ETV3: variants seen among roughly 807,000 people sequenced by gnomAD.
ETV3 encodes ETS translocation variant 3.
A neutral mutation model predicts 33.0 loss-of-function variants in ETV3; 8 were observed. The ratio of observed to expected loss-of-function variants is 0.24; its 90% CI spans 0.14 to 0.44. The LOEUF (loss-of-function observed/expected upper bound fraction) is 0.44, where lower values mean the gene tolerates loss of function less well. Among genes scored for constraint, ETV3 ranks in the 20% least tolerant of loss-of-function variants. The pLI is 1.00. For synonymous variants in ETV3, 222 were observed against 238.9 expected, an observed-to-expected ratio of 0.93 and a Z score of 0.65; for missense variants, 473 against 652.3, an observed-to-expected ratio of 0.73 and a Z score of 2.99.
chr1:157,131,554 A>G (rs993724656), intron 4 of ETV3, among the ~76,000 whole-genome samples: 3 of 152,214 alleles, frequency 2.0e-5, no homozygotes, highest in Non-Finnish European at 4.4e-5. Flanking sequence ...GGAATGTATG[A>G]TCTATTAAAT....
Position 157,125,117 on chromosome 1 carries a change from G to A in ETV3, c.1263C>T (p.Thr421=). 1.3e-6 allele frequency: 2 copies of A among 1,547,390 alleles called. No homozygotes were observed. The highest frequency in any genetic ancestry group is 2.4e-5 in the South Asian group (2 of 83,384). ...PSRTIEEEKG[T]IFARPAAPPI... ...GTGGTGCAGCAGGACGGGCAAAGAT[G>A]GTGCCTTTTTCCTCTTCAATGGTCC... The change falls in exon 5 of 5, where the codon ACC becomes ACT. Residue 421 remains threonine, a synonymous_variant. Transcript: ENST00000368192. This position sits in a 1 kb window ranked among gnomAD's most constrained non-coding sequence, Gnocchi z 4.0.
Position 157,124,758 on chromosome 1 carries a change from T to TTCCC in ETV3, c.*82_*83insGGGA. 5.8e-6 allele frequency: 1 copy of TTCCC among 172,458 alleles called. No individual in the cohort carries two copies. The highest frequency in any genetic ancestry group is 4.2e-5 in the South Asian group (1 of 23,582). 10.7% of individuals were successfully genotyped at this position (172,458 alleles called of 1,614,324 possible). ...GAATGATCAAACCAGTTTAACTCCC[T>TTCCC]CCCCCCCACCCTGAAATCTTGCTAC... On this transcript the variant is annotated 3_prime_UTR_variant, in exon 5 of 5. Coordinates refer to ENST00000368192, the MANE Select transcript of ETV3 (RefSeq NM_001145312.3).
rs1674796532 is a variant in ETV3, at chr1:157,125,091, G to C, written c.1289C>G (p.Pro430Arg). The C allele has an allele frequency of 6.5e-7, 1 of 1,545,820 alleles. No individual in the cohort carries two copies. Among genetic ancestry groups the C allele is most frequent in the Non-Finnish European group, 8.7e-7 (1 of 1,143,764 alleles). Residue 430 changes from proline to arginine, a missense_variant, in exon 5 of 5, where the codon CCC (proline) becomes CGC (arginine). Transcript: ENST00000368192. This position sits in a 1 kb window ranked among gnomAD's most constrained non-coding sequence, Gnocchi z 4.0. ...GCTAATGGGCACAGAGGGCCAGATG[G>C]GTGGTGCAGCAGGACGGGCAAAGAT... ...GTIFARPAAP[P>R]IWPSVPISTP... is the part of the protein sequence containing the mutation.
rs74116989 is a variant in ETV3, at chr1:157,135,168, G to A, written c.284+303C>T. 4.6e-5 allele frequency: 22 copies of A among 480,104 alleles called. No individual in the cohort carries two copies. In the Admixed American group the frequency reaches 8.0e-4, roughly 17 times the overall value. 29.7% of individuals were successfully genotyped at this position (480,104 alleles called of 1,614,324 possible). On this transcript the variant is annotated intron_variant, in intron 3 of 4. Transcript: ENST00000368192. The stretch of plus-strand genomic sequence containing the variant: ...TAAACTAATCCTTTGGATTATAAAT[G>A]AACTCCAATCCATGTTTCACCATAT...
rs1674760709 is a variant in ETV3 at position 157,123,851 on chromosome 1, G to A, written c.*990C>T. 1 of 148,184 alleles carries A rather than the reference G, an allele frequency of 6.7e-6. No homozygotes were observed. Among genetic ancestry groups the A allele is most frequent in the African/African-American group, 2.4e-5 (1 of 40,844 alleles). The allele number at this position is 148,184 out of a possible 1,614,324, so 9.2% of individuals were successfully genotyped here. On this transcript the variant is annotated 3_prime_UTR_variant, in exon 5 of 5. Coordinates refer to ENST00000368192, the MANE Select transcript of ETV3 (RefSeq NM_001145312.3). ...AGAAAATAAGAGAACCAGACATAAT[G>A]GAAAGACCTCTTCAATAATGTTGTC...
At chr1:157,134,698 G>A (rs1403412274) in intron 3 of ETV3, among the ~76,000 whole-genome samples, 1 of 152,238 alleles carries the variant, frequency 6.6e-6, no homozygotes, top group African/African-American at 2.4e-5. Flanking sequence ...ATGGTGGCAG[G>A]TCAAACAATG....
intron 3 of ETV3, 62 bp from the exon 4 acceptor site, chr1:157,134,289 A>G: frequency 1.3e-6 from 2 of 1,563,230 alleles, no homozygotes; most frequent in Non-Finnish European, 1.7e-6. Flanking sequence ...CAATACACTT[A>G]GGTAGCCACT....
At chr1:157,137,938 A>T (rs1571704900) in intron 1 of ETV3, among the ~76,000 whole-genome samples, 1 of 152,062 alleles carries the variant, frequency 6.6e-6, no homozygotes, top group African/African-American at 2.4e-5. Context: ...AAACCACAGG[A>T]CCCCTGCCCT....
intron 4 of ETV3, among the ~76,000 whole-genome samples, chr1:157,127,175 T>A (rs1358621452): frequency 6.6e-6 from 1 of 152,238 alleles, no homozygotes; most frequent in Admixed American, 6.5e-5. Flanking sequence ...GGAAATGACA[T>A]GCATGGAAAG....
chr1:157,134,221 A>G lies in ETV3; in HGVS notation c.291T>C (p.Tyr97=), dbSNP rs932304528. The part of the protein sequence containing the change: ...YDKLSRALRY[Y]YNKRILHKTK... ...TTTTATGAAGGATCCTCTTGTTGTA[A>G]TAGTATCTGTAAAAACAGGAATACA... The change falls in exon 4 of 5, where the codon TAT becomes TAC. Residue 97 remains tyrosine, a synonymous_variant. Transcript: ENST00000368192. 33 of 1,612,074 alleles carry G rather than the reference A, an allele frequency of 2.0e-5. No individual in the cohort carries two copies. The highest frequency in any genetic ancestry group is 2.5e-5 in the Non-Finnish European group (30 of 1,179,488).
At chr1:157,137,654 A>C (rs949641693) in intron 1 of ETV3, among the ~76,000 whole-genome samples, 2 of 151,906 alleles carry the variant, frequency 1.3e-5, no homozygotes, top group Admixed American at 1.3e-4. Flanking sequence ...CCACTGCTCC[A>C]GGAAGCTGCC....
chr1:157,137,666 T>G (rs1046671264), intron 1 of ETV3, among the ~76,000 whole-genome samples: 3 of 152,002 alleles, frequency 2.0e-5, no homozygotes. Flanking sequence ...GAAGCTGCCC[T>G]GGACTCTTAA....
intron 1 of ETV3, among the ~76,000 whole-genome samples, chr1:157,138,070 C>T (rs1675166065): frequency 6.6e-6 from 1 of 152,196 alleles, no homozygotes; most frequent in South Asian, 2.1e-4. Context: ...ATTCACCTCC[C>T]GGGCCGGGCT....
intron 3 of ETV3, among the ~76,000 whole-genome samples, chr1:157,134,678 C>G (rs6704373): frequency 0.45 from 68,343 of 152,098 alleles, 18,209 homozygotes; most frequent in East Asian, 0.78. Context: ...AAGGAATGTA[C>G]AACTGTTTTA....
intron 4 of ETV3, among the ~76,000 whole-genome samples, chr1:157,129,753 G>A (rs1467779227): frequency 1.3e-5 from 2 of 152,170 alleles, no homozygotes; most frequent in Non-Finnish European, 2.9e-5. Flanking sequence ...AAAGCAAAAA[G>A]CCACTTCTAT....
At chr1:157,138,107 G>C (rs1675167471) in intron 1 of ETV3, among the ~76,000 whole-genome samples, 1 of 152,144 alleles carries the variant, frequency 6.6e-6, no homozygotes, top group Non-Finnish European at 1.5e-5. Flanking sequence ...TCAGGGCTGC[G>C]CGGGGCCACC....
intron 4 of ETV3, among the ~76,000 whole-genome samples, chr1:157,130,948 T>C (rs1674954705): frequency 6.6e-6 from 1 of 152,136 alleles, no homozygotes; most frequent in African/African-American, 2.4e-5. Flanking sequence ...TCCTGGGAAA[T>C]ACAAGCTGAA....
chr1:157,131,815 A>C (rs1393701788), intron 4 of ETV3, among the ~76,000 whole-genome samples: 1 of 152,270 alleles, frequency 6.6e-6, no homozygotes, highest in African/African-American at 2.4e-5. Flanking sequence ...TTCCTTTGTT[A>C]TCATAAAGTT....
At chr1:157,133,952 T>G (rs1675033123) in intron 4 of ETV3, 160 bp downstream of exon 4, 8 of 1,446,668 alleles carry the variant, frequency 5.5e-6, no homozygotes, top group African/African-American at 1.4e-5. Context: ...ACTCTCCTTA[T>G]AAGTGAGATG....
Sources: allele counts gnomAD v4.1 joint callset (sites outside exome capture counted in the v4.1 genomes callset), GRCh38; gene constraint gnomAD v4.1.1; non-coding constraint Gnocchi (gnomAD v3.1); transcripts MANE v1.5; gene names NCBI Gene and HGNC (gene_info 2026-07-23, HGNC 2026-07-21).